The following KDM4C variants were observed in gnomAD, a reference collection of about 807,000 sequenced individuals.
KDM4C encodes lysine-specific demethylase 4C.
KDM4C carries 81 observed loss-of-function variants against 129.3 expected under a neutral mutation model. That is an observed-to-expected ratio of 0.63 (90% CI 0.52 to 0.75). KDM4C has a LOEUF of 0.75. Among genes scored for constraint, KDM4C ranks in the 30% least tolerant of loss-of-function variants. The probability of loss-of-function intolerance (pLI) is 0.00; values close to 1 mark genes in which losing one functional copy is unlikely to be tolerated. For missense variants in KDM4C, 1,457 were observed against 1,304.0 expected, an observed-to-expected ratio of 1.12 and a Z score of -1.81; for synonymous variants, 573 against 456.1, an observed-to-expected ratio of 1.26 and a Z score of -3.26.
chr9:6,922,321 A>G (rs1232837692), intron 8 of KDM4C, among the ~76,000 whole-genome samples: 1 of 152,224 alleles, frequency 6.6e-6, no homozygotes, highest in Non-Finnish European at 1.5e-5. Flanking sequence ...GCATAGTACT[A>G]TCATGGTTAT....
chr9:6,762,147 G>C (rs994628483), intron 1 of KDM4C, among the ~76,000 whole-genome samples: 1 of 151,878 alleles, frequency 6.6e-6, no homozygotes, highest in African/African-American at 2.4e-5. Context: ...TGTGCGCAAC[G>C]TGCAGGTTTG....
At chr9:6,855,413 T>C (rs369534701) in intron 5 of KDM4C, among the ~76,000 whole-genome samples, 1 of 131,306 alleles carries the variant, frequency 7.6e-6, no homozygotes, top group East Asian at 2.3e-4. Flanking sequence ...GAGCCGAGAT[T>C]GCGTCACTGC....
At chr9:6,887,166 T>TG (rs1845436616) in intron 6 of KDM4C, among the ~76,000 whole-genome samples, 1 of 152,196 alleles carries the variant, frequency 6.6e-6, no homozygotes, top group Admixed American at 6.5e-5. Context: ...CTGCCTTCCC[T>TG]CTGAGTGAGG....
intron 8 of KDM4C, among the ~76,000 whole-genome samples, chr9:6,932,462 A>G (rs1286923930): frequency 1.3e-5 from 2 of 152,112 alleles, no homozygotes; most frequent in African/African-American, 2.4e-5. Context: ...GAAAAACCAT[A>G]CATTTGGGTC....
chr9:6,954,459 C>A (rs1055857891), intron 8 of KDM4C, among the ~76,000 whole-genome samples: 4 of 152,072 alleles, frequency 2.6e-5, no homozygotes, highest in Non-Finnish European at 5.9e-5. Context: ...TGACAATGAA[C>A]TATTCTGGTA....
At chr9:7,034,770 C>T (rs1239143298) in intron 15 of KDM4C, among the ~76,000 whole-genome samples, 1 of 152,120 alleles carries the variant, frequency 6.6e-6, no homozygotes, top group Non-Finnish European at 1.5e-5. Context: ...TCCATGGTGG[C>T]TTTACTAGTT....
intron 17 of KDM4C, among the ~76,000 whole-genome samples, chr9:7,085,183 G>A (rs1834969922): frequency 6.6e-6 from 1 of 152,220 alleles, no homozygotes; most frequent in African/African-American, 2.4e-5. Flanking sequence ...GGGCATTGGA[G>A]CCCTGTGGCA....
intron 8 of KDM4C, among the ~76,000 whole-genome samples, chr9:6,904,406 A>ATTT (rs34938835): frequency 6.9e-6 from 1 of 144,290 alleles, no homozygotes; most frequent in African/African-American, 2.5e-5. Context: ...TTTGCAGTGG[A>ATTT]TTTTTTTTTT....
intron 8 of KDM4C, 38 bp downstream of exon 8, chr9:6,893,270 T>C: frequency 1.3e-6 from 2 of 1,558,212 alleles, no homozygotes; most frequent in South Asian, 2.3e-5. Context: ...AAATTAAATG[T>C]GTATTCTGGT....
intron 12 of KDM4C, among the ~76,000 whole-genome samples, chr9:6,995,722 A>C (rs1239742268): frequency 2.6e-5 from 4 of 151,776 alleles, no homozygotes; most frequent in Non-Finnish European, 5.9e-5. Flanking sequence ...CCCAGGCTGG[A>C]GTGCAGTGGC....
intron 8 of KDM4C, among the ~76,000 whole-genome samples, chr9:6,949,084 C>T (rs1482125645): frequency 2.0e-4 from 31 of 151,610 alleles, no homozygotes; most frequent in Admixed American, 2.0e-3. Context: ...CCCCATCTCC[C>T]GGACGGGGCG....
chr9:6,889,611 A>G (rs889152998), intron 7 of KDM4C, among the ~76,000 whole-genome samples: 1 of 152,188 alleles, frequency 6.6e-6, no homozygotes, highest in Admixed American at 6.5e-5. Context: ...TGTGAGTCTC[A>G]GACACATCAT....
chr9:6,880,884 C>T (rs905711124), intron 6 of KDM4C, among the ~76,000 whole-genome samples: 13 of 152,146 alleles, frequency 8.5e-5, no homozygotes, highest in African/African-American at 3.1e-4. Context: ...TCCTTATCTT[C>T]TGTTTTGCTA....
rs114515424 is a variant in KDM4C, at chr9:6,874,295, A to G, written c.630-5717A>G. ...AAGTGCAATAAAATGAGGTATGTCCATAGTACTATGTTAAACAACAATTAG... is the reference window on the plus strand; with the variant it reads ...AAGTGCAATAAAATGAGGTATGTCCGTAGTACTATGTTAAACAACAATTAG... On this transcript the variant is annotated intron_variant, in intron 5 of 21. Coordinates refer to ENST00000381309, the MANE Select transcript of KDM4C (RefSeq NM_015061.6). Among the ~76,000 whole-genome samples the G allele has an allele frequency of 7.1e-3, 1,087 of 152,366 alleles. 13 individuals are homozygous for G. The highest frequency in any genetic ancestry group is 0.022 in the African/African-American group (919 of 41,588).
intron 8 of KDM4C, among the ~76,000 whole-genome samples, chr9:6,904,813 A>C (rs1478549009): frequency 2.0e-5 from 3 of 152,210 alleles, no homozygotes; most frequent in African/African-American, 7.2e-5. Context: ...TGAATTTGGA[A>C]GATACGAGAG....
intron 16 of KDM4C, 51 bp from the exon 17 acceptor site, chr9:7,049,040 GT>G (rs1829798516): frequency 1.7e-6 from 2 of 1,186,048 alleles, no homozygotes; most frequent in African/African-American, 3.0e-5. Context: ...CCAAGTTGAA[GT>G]ATGTAAGTTT....
chr9:6,760,944 G>T (rs1191412399), intron 1 of KDM4C, among the ~76,000 whole-genome samples: 3 of 150,432 alleles, frequency 2.0e-5, no homozygotes, highest in South Asian at 4.2e-4. Flanking sequence ...CAGTTCTCCA[G>T]TTCTCTAAAG....
intron 1 of KDM4C, among the ~76,000 whole-genome samples, chr9:6,740,142 G>C (rs558755898): frequency 7.4e-4 from 112 of 151,948 alleles, no homozygotes; most frequent in African/African-American, 2.6e-3. Flanking sequence ...TGCCTGCCTT[G>C]GCCTCCCAAA....
At chr9:7,166,816 G>C (rs919719511) in intron 20 of KDM4C, among the ~76,000 whole-genome samples, 1 of 152,094 alleles carries the variant, frequency 6.6e-6, no homozygotes, top group Non-Finnish European at 1.5e-5. Flanking sequence ...ATTTATGATG[G>C]TCTATCAACA....
Sources: gnomAD v4.1 joint callset for allele counts (sites outside exome capture counted in the v4.1 genomes callset) on GRCh38, gnomAD v4.1.1 for gene constraint, MANE v1.5 for transcripts, NCBI Gene and HGNC (gene_info 2026-07-23, HGNC 2026-07-21) for gene names.